DLGAP2: variants seen among roughly 807,000 people sequenced by gnomAD.
DLGAP2 encodes the protein DLG associated protein 2.
In DLGAP2, 26 loss-of-function variants were observed where a neutral mutation model predicts 100.3. The ratio of observed to expected loss-of-function variants is 0.26; its 90% CI spans 0.19 to 0.36. DLGAP2 has a LOEUF of 0.36. Among genes scored for constraint, DLGAP2 ranks in the 10% least tolerant of loss-of-function variants. The pLI, the probability that DLGAP2 is intolerant of heterozygous loss-of-function variation, is 1.00. For synonymous variants in DLGAP2, 886 were observed against 630.1 expected (o/e 1.41, Z -6.08); for missense variants, 1,858 against 1,453.2 (o/e 1.28, Z -4.53).
At chr8:909,081 A>T (rs1046619713) in intron 2 of DLGAP2, among the ~76,000 whole-genome samples, 2 of 152,226 alleles carry the variant, frequency 1.3e-5, no homozygotes, top group Non-Finnish European at 2.9e-5. Context: ...GACATTACTG[A>T]TAGAACTCTT....
At chr8:798,711 C>T (rs61522693) in intron 1 of DLGAP2, among the ~76,000 whole-genome samples, 30 of 120,548 alleles carry the variant, frequency 2.5e-4, no homozygotes, top group African/African-American at 4.3e-4. Context: ...CGTGCCCCGG[C>T]GCTGGCCAGG....
At chr8:762,711 C>T (rs1821117213) in intron 1 of DLGAP2, among the ~76,000 whole-genome samples, 1 of 152,024 alleles carries the variant, frequency 6.6e-6, no homozygotes, top group South Asian at 2.1e-4. Flanking sequence ...TCACTCTAGC[C>T]CAGGCTGGAG....
intron 1 of DLGAP2, among the ~76,000 whole-genome samples, chr8:820,316 G>C (rs772317931): frequency 1.2e-4 from 18 of 152,190 alleles, no homozygotes; most frequent in Non-Finnish European, 1.3e-4. Context: ...TTAAATCACA[G>C]AAACAGTGAA....
intron 2 of DLGAP2, among the ~76,000 whole-genome samples, chr8:1,005,618 A>G (rs1434640633): frequency 6.7e-6 from 1 of 150,180 alleles, no homozygotes; most frequent in African/African-American, 2.5e-5. Context: ...TGAAGTTTCA[A>G]TTTGTTGCCT....
intron 3 of DLGAP2, among the ~76,000 whole-genome samples, chr8:1,318,908 T>C (rs1467858054): frequency 6.6e-6 from 1 of 151,286 alleles, no homozygotes; most frequent in African/African-American, 2.4e-5. Context: ...TGGGTCCCCA[T>C]AGATTTTAGG....
chr8:1,256,575 G>C (rs887644152), intron 2 of DLGAP2, among the ~76,000 whole-genome samples: 2 of 149,560 alleles, frequency 1.3e-5, no homozygotes, highest in African/African-American at 5.0e-5. Flanking sequence ...CCCGGGTGCT[G>C]TGCGTGTGTA....
intron 2 of DLGAP2, among the ~76,000 whole-genome samples, chr8:1,132,258 G>T (rs1412250759): frequency 1.3e-5 from 2 of 152,044 alleles, no homozygotes; most frequent in East Asian, 3.9e-4. Flanking sequence ...TTTGTTTTTG[G>T]TGATTTTTAT....
intron 4 of DLGAP2, among the ~76,000 whole-genome samples, chr8:1,515,921 G>A (rs1800356844): frequency 6.6e-6 from 1 of 152,218 alleles, no homozygotes; most frequent in Non-Finnish European, 1.5e-5. Flanking sequence ...TTCCCTTAAT[G>A]GATGAGTGAG....
intron 1 of DLGAP2, among the ~76,000 whole-genome samples, chr8:800,031 T>A (rs1245906589): frequency 6.6e-6 from 1 of 152,090 alleles, no homozygotes; most frequent in East Asian, 1.9e-4. Flanking sequence ...GAGAAAACCA[T>A]GTTTCTGGAT....
intron 2 of DLGAP2, among the ~76,000 whole-genome samples, chr8:1,006,684 G>A (rs369984906): frequency 1.0e-3 from 100 of 99,948 alleles, no homozygotes; most frequent in Admixed American, 1.8e-3. Context: ...GGCGCCCTGC[G>A]TCTCAAGTCT....
chr8:1,592,491 G>C (rs905832502), intron 6 of DLGAP2, among the ~76,000 whole-genome samples: 2 of 151,944 alleles, frequency 1.3e-5, no homozygotes, highest in Non-Finnish European at 2.9e-5. Flanking sequence ...GCCCCCTGAA[G>C]CTCTGGAAAG....
chr8:1,287,285 T>TAGGAGGGGAACTAGTTTCG (rs1799946877), intron 3 of DLGAP2, among the ~76,000 whole-genome samples: 1 of 101,330 alleles, frequency 9.9e-6, no homozygotes, highest in African/African-American at 4.2e-5. Context: ...TGTGTGTGGT[T>TAGGAGGGGAACTAGTTTCG]GTTAGGAGGG....
chr8:1,597,958 G>A (rs1195136939), intron 6 of DLGAP2, among the ~76,000 whole-genome samples: 1 of 152,124 alleles, frequency 6.6e-6, no homozygotes, highest in African/African-American at 2.4e-5. Flanking sequence ...GTTTTCAAAG[G>A]GAATGCTTCC....
intron 3 of DLGAP2, among the ~76,000 whole-genome samples, chr8:1,459,844 C>T (rs557989850): frequency 6.6e-6 from 1 of 152,126 alleles, no homozygotes; most frequent in African/African-American, 2.4e-5. Flanking sequence ...CACCACCACG[C>T]CCGGCTAATT....
intron 4 of DLGAP2, among the ~76,000 whole-genome samples, chr8:1,536,391 T>C (rs755250271): frequency 7.2e-5 from 11 of 152,192 alleles, no homozygotes; most frequent in African/African-American, 1.2e-4. Context: ...CAATATCTTA[T>C]TCATTCCTAA....
chr8:1,258,588 T>G (rs1330542501), intron 2 of DLGAP2, among the ~76,000 whole-genome samples: 2 of 148,588 alleles, frequency 1.3e-5, no homozygotes, highest in East Asian at 3.9e-4. Flanking sequence ...TCCCAGAACT[T>G]AGTAAAATTA....
chr8:1,183,557 G>T (rs1404430481), intron 2 of DLGAP2, among the ~76,000 whole-genome samples: 1 of 152,208 alleles, frequency 6.6e-6, no homozygotes, highest in Non-Finnish European at 1.5e-5. Context: ...GGTAGCTGCT[G>T]TTAGTATCCT....
chr8:1,436,775 A>C (rs1053971506), intron 3 of DLGAP2, among the ~76,000 whole-genome samples: 1 of 152,166 alleles, frequency 6.6e-6, no homozygotes, highest in Non-Finnish European at 1.5e-5. Context: ...CCGGTCACCC[A>C]GAGCAGCTTC....
At chr8:1,190,985 A>G (rs542865203) in intron 2 of DLGAP2, among the ~76,000 whole-genome samples, 210 of 152,170 alleles carry the variant, frequency 1.4e-3, no homozygotes, top group African/African-American at 4.8e-3. Context: ...TGAGGCTTGG[A>G]CCAATTCCTC....
Sources: gnomAD v4.1 joint callset for allele counts (sites outside exome capture counted in the v4.1 genomes callset) on GRCh38, gnomAD v4.1.1 for gene constraint, MANE v1.5 for transcripts, NCBI Gene and HGNC (gene_info 2026-07-23, HGNC 2026-07-21) for gene names.